OR14A2: variants seen among roughly 807,000 people sequenced by gnomAD.
OR14A2 encodes the protein olfactory receptor family 14 subfamily A member 2.
For synonymous variants in OR14A2, 114 were observed against 58.6 expected, an observed-to-expected ratio of 1.95 and a Z score of -4.32; for missense variants, 237 against 152.9, an observed-to-expected ratio of 1.55 and a Z score of -2.90.
chr1:247,745,599 T>C, the OR14A2 span, among the ~76,000 whole-genome samples: 2 of 152,102 alleles, frequency 1.3e-5, no homozygotes, highest in Admixed American at 1.3e-4. Flanking sequence ...ATTTTTCTTT[T>C]TTTCTTTGTA....
upstream of OR14A2, among the ~76,000 whole-genome samples, chr1:247,726,365 T>C (rs1448953915): frequency 3.6e-5 from 5 of 140,644 alleles, no homozygotes; most frequent in East Asian, 1.0e-3. Flanking sequence ...CTTTGCCCAC[T>C]TTTTGATGGG....
At chr1:247,725,485 TTTTA>T (rs539862993), upstream of OR14A2, among the ~76,000 whole-genome samples, 17,382 of 149,848 alleles carry the variant, frequency 0.12, 1,689 homozygotes, top group African/African-American at 0.27. Context: ...ATCTACAAGA[TTTTA>T]TTTATTTATT....
the OR14A2 span, among the ~76,000 whole-genome samples, chr1:247,732,602 CT>C: frequency 6.6e-6 from 1 of 152,138 alleles, no homozygotes; most frequent in Non-Finnish European, 1.5e-5. Flanking sequence ...TCCCTTGGTA[CT>C]TACCCAACTG....
chr1:247,739,744 T>A, the OR14A2 span, among the ~76,000 whole-genome samples: 3,727 of 151,916 alleles, frequency 0.025, 40 homozygotes, highest in Non-Finnish European at 0.031. Context: ...TTTTTTTTTT[T>A]AAAATTTTGA....
At chr1:247,747,359 CTTTTTTTT>C in the OR14A2 span, among the ~76,000 whole-genome samples, 1 of 136,388 alleles carries the variant, frequency 7.3e-6, no homozygotes, top group South Asian at 2.4e-4. Context: ...AATGCGAAGA[CTTTTTTTT>C]TTTTTTTTTT....
the OR14A2 span, among the ~76,000 whole-genome samples, chr1:247,736,209 C>G: frequency 6.9e-6 from 1 of 144,002 alleles, no homozygotes; most frequent in Non-Finnish European, 1.5e-5. Flanking sequence ...CTCTCTCATT[C>G]TCTCCATTCC....
the OR14A2 span, among the ~76,000 whole-genome samples, chr1:247,732,091 A>G: frequency 6.6e-6 from 1 of 152,166 alleles, no homozygotes; most frequent in Non-Finnish European, 1.5e-5. Context: ...GTATGGCTGA[A>G]TATCTTTCGG....
At chr1:247,742,352 A>G in the OR14A2 span, among the ~76,000 whole-genome samples, 1 of 137,398 alleles carries the variant, frequency 7.3e-6, no homozygotes, top group South Asian at 2.2e-4. Flanking sequence ...CAAGATTGAA[A>G]TTTTGTTGAT....
the OR14A2 span, chr1:247,739,148 T>A: frequency 1.3e-6 from 1 of 780,938 alleles, no homozygotes; most frequent in Non-Finnish European, 2.4e-6. Flanking sequence ...TCTTCTGCGA[T>A]GTCCCTGCCC....
the OR14A2 span, among the ~76,000 whole-genome samples, chr1:247,730,583 G>A: frequency 1.3e-5 from 2 of 151,848 alleles, no homozygotes; most frequent in African/African-American, 2.4e-5. Context: ...GCTGCCCCAG[G>A]AATGAGAAAA....
At chr1:247,744,601 A>G in the OR14A2 span, among the ~76,000 whole-genome samples, 2 of 152,318 alleles carry the variant, frequency 1.3e-5, no homozygotes, top group South Asian at 2.1e-4. The surrounding 1 kb of genome is among the most constrained non-coding windows in gnomAD (Gnocchi z 4.3). Flanking sequence ...AAAATTTGAC[A>G]TGAAAGATAT....
chr1:247,748,019 C>T, the OR14A2 span, among the ~76,000 whole-genome samples: 1 of 152,114 alleles, frequency 6.6e-6, no homozygotes. Context: ...ATTTTGTAAG[C>T]CTTGACCTCA....
the OR14A2 span, among the ~76,000 whole-genome samples, chr1:247,735,793 G>A: frequency 6.6e-6 from 1 of 152,138 alleles, no homozygotes; most frequent in East Asian, 1.9e-4. Context: ...GGGAGTTGGG[G>A]TCTTGAAGCA....
At chr1:247,737,381 A>C in the OR14A2 span, among the ~76,000 whole-genome samples, 1 of 152,146 alleles carries the variant, frequency 6.6e-6, no homozygotes, top group South Asian at 2.1e-4. Context: ...AGTTGAAAAG[A>C]CTCAAGAGCA....
exon 1 of OR14A2, chr1:247,724,042 A>G (rs1490526288): frequency 1.1e-5 from 8 of 703,614 alleles, no homozygotes; most frequent in Admixed American, 2.1e-5. Context: ...GACATTGGCC[A>G]TACTAGATTC....
chr1:247,731,826 C>G, the OR14A2 span, among the ~76,000 whole-genome samples: 2 of 151,874 alleles, frequency 1.3e-5, no homozygotes, highest in African/African-American at 4.8e-5. Context: ...TGTCTGTTTG[C>G]TTCAACATCT....
the OR14A2 span, chr1:247,746,699 T>G: frequency 6.6e-6 from 1 of 152,226 alleles, no homozygotes; most frequent in African/African-American, 2.4e-5. Context: ...ATGTAAGTTA[T>G]ATCCAGTAAT....
At chr1:247,723,852 TAAG>T in exon 1 of OR14A2, 1 of 717,834 alleles carries the variant, frequency 1.4e-6, no homozygotes, top group Non-Finnish European at 2.6e-6. Flanking sequence ...CCAAAAAGGA[TAAG>T]TTCTTCAGGA....
At chr1:247,736,410 A>G in the OR14A2 span, among the ~76,000 whole-genome samples, 1 of 152,104 alleles carries the variant, frequency 6.6e-6, no homozygotes, top group African/African-American at 2.4e-5. Context: ...ATTTTTATTT[A>G]ATCATGTGGA....
Sources: gnomAD v4.1 joint callset for allele counts (sites outside exome capture counted in the v4.1 genomes callset) on GRCh38, gnomAD v4.1.1 for gene constraint, Gnocchi (gnomAD v3.1) non-coding constraint, MANE v1.5 for transcripts, NCBI Gene and HGNC (gene_info 2026-07-23, HGNC 2026-07-21) for gene names.